The following VIPR2 variants were observed in gnomAD, a reference collection of about 807,000 sequenced individuals.
VIPR2 encodes the protein vasoactive intestinal peptide receptor 2, also known as vasoactive intestinal polypeptide receptor 2.
VIPR2 carries 48 observed loss-of-function variants against 58.0 expected under a neutral mutation model. The ratio of observed to expected loss-of-function variants is 0.83; its 90% CI spans 0.66 to 1.05. VIPR2 has a LOEUF of 1.05. Ranked by LOEUF, VIPR2 falls within the 50% of genes least tolerant of loss-of-function variation. VIPR2 has a pLI of 0.00. For missense variants in VIPR2, 534 were observed against 558.0 expected (o/e 0.96, Z 0.43); for synonymous variants, 243 against 235.2 (o/e 1.03, Z -0.30).
chr7:159,142,038 GC>G (rs1369651063), intron 2 of VIPR2, among the ~76,000 whole-genome samples: 1 of 152,200 alleles, frequency 6.6e-6, no homozygotes, highest in African/African-American at 2.4e-5. Context: ...TTTGCTTTCT[GC>G]CAAGTACCCA....
chr7:159,073,276 G>A (rs1459212369), intron 4 of VIPR2, among the ~76,000 whole-genome samples: 1 of 152,172 alleles, frequency 6.6e-6, no homozygotes, highest in Non-Finnish European at 1.5e-5. Context: ...CAGTTTAGGA[G>A]TATACTAAAT....
chr7:159,038,408 C>T (rs1854108654), intron 6 of VIPR2, among the ~76,000 whole-genome samples: 1 of 152,178 alleles, frequency 6.6e-6, no homozygotes. Context: ...TCTCGTGTGT[C>T]AACGCCTGGT....
intron 2 of VIPR2, among the ~76,000 whole-genome samples, chr7:159,123,288 T>TAAAAAAA (rs370294230): frequency 1.9e-4 from 14 of 72,872 alleles, no homozygotes; most frequent in Non-Finnish European, 2.4e-4. Context: ...CAAGACTCTG[T>TAAAAAAA]AAAAAAAAAA....
intron 1 of VIPR2, among the ~76,000 whole-genome samples, chr7:159,144,018 C>T (rs1797583237): frequency 6.6e-6 from 1 of 152,250 alleles, no homozygotes; most frequent in Non-Finnish European, 1.5e-5. Flanking sequence ...TCGATCCAGA[C>T]CTGCCTCGGC....
At position 159,092,654 on chromosome 7, in the gene VIPR2, T is replaced by C. The variant is rs555118204; in HGVS notation, c.357+11103A>G. ...GAGGCTGTTTTCTTTTCTTTTCTTTTTTTTTTTTTTTTTTGAGACTGAGTC... is the reference window on the plus strand; with the variant it reads ...GAGGCTGTTTTCTTTTCTTTTCTTTCTTTTTTTTTTTTTTGAGACTGAGTC... On this transcript the variant is annotated intron_variant, in intron 4 of 12. Coordinates refer to ENST00000262178, the MANE Select transcript of VIPR2 (RefSeq NM_003382.5). Among the ~76,000 whole-genome samples, 214 of 62,750 alleles carry C rather than the reference T, an allele frequency of 3.4e-3. 3 individuals carry two copies. The highest frequency in any genetic ancestry group is 6.5e-3 in the East Asian group (16 of 2,454). The allele number at this position is 62,750 out of a possible 152,430, so 41.2% of individuals were successfully genotyped here. A position where few individuals can be genotyped will look rare whatever the true frequency, so the allele number is the denominator to read the frequency against.
chr7:159,144,047 C>A (rs1241143798), intron 1 of VIPR2, among the ~76,000 whole-genome samples: 1 of 152,240 alleles, frequency 6.6e-6, no homozygotes, highest in Non-Finnish European at 1.5e-5. Flanking sequence ...GCACGAAAAC[C>A]GCGCGCACCG....
rs201840187 is a variant in VIPR2, at chr7:159,031,884, G to C, written c.1102-15C>G. The C allele has an allele frequency of 5.0e-6, 8 of 1,614,008 alleles. No homozygotes were observed. The Admixed American group carries it at 8.3e-5, about 17-fold the overall frequency. Reference sequence around the variant, plus strand: ...ACCACCAGGCCCTGCAATGAGAAGAGATGGTCAGGCAGGACCCGCGCTCGG... The same window carrying C: ...ACCACCAGGCCCTGCAATGAGAAGACATGGTCAGGCAGGACCCGCGCTCGG... On this transcript the variant is annotated splice_polypyrimidine_tract_variant and intron_variant, in intron 11 of 12. Coordinates refer to ENST00000262178, the MANE Select transcript of VIPR2 (RefSeq NM_003382.5). The surrounding 1 kb of genome is among the most constrained non-coding windows in gnomAD (Gnocchi z 4.0).
intron 4 of VIPR2, among the ~76,000 whole-genome samples, chr7:159,081,542 G>C (rs1038391483): frequency 7.9e-5 from 12 of 152,160 alleles, no homozygotes; most frequent in African/African-American, 2.4e-4. Flanking sequence ...CAATACCATT[G>C]AGGACATAGG....
chr7:159,079,590 A>G (rs1466620238), intron 4 of VIPR2, among the ~76,000 whole-genome samples: 22 of 152,216 alleles, frequency 1.4e-4, no homozygotes, highest in Non-Finnish European at 3.1e-4. Flanking sequence ...TTCAAAAGCT[A>G]GCAGAAGGCA....
chr7:159,034,150 G>A, intron 10 of VIPR2, 63 bp downstream of exon 10: 1 of 1,541,308 alleles, frequency 6.5e-7, no homozygotes. Context: ...CTGGCAGCGT[G>A]GGGGTCTCCT....
At chr7:159,108,613 C>T (rs1043881014) in intron 3 of VIPR2, among the ~76,000 whole-genome samples, 3 of 152,182 alleles carry the variant, frequency 2.0e-5, no homozygotes, top group African/African-American at 7.2e-5. Flanking sequence ...AGGGCCAGAG[C>T]CTCACTGACC....
At chr7:159,144,052 G>C (rs1797586295) in intron 1 of VIPR2, among the ~76,000 whole-genome samples, 1 of 152,240 alleles carries the variant, frequency 6.6e-6, no homozygotes, top group Non-Finnish European at 1.5e-5. Context: ...AAAACCGCGC[G>C]CACCGCAAAC....
chr7:159,073,929 G>C (rs376448103), intron 4 of VIPR2, among the ~76,000 whole-genome samples: 1 of 152,094 alleles, frequency 6.6e-6, no homozygotes, highest in Non-Finnish European at 1.5e-5. Context: ...ACAGACAACT[G>C]TGCACACAAT....
At chr7:159,134,702 G>T (rs373275181) in intron 2 of VIPR2, among the ~76,000 whole-genome samples, 5 of 151,478 alleles carry the variant, frequency 3.3e-5, no homozygotes, top group African/African-American at 1.2e-4. Flanking sequence ...CTGTCACCCA[G>T]GCTGGAGTAC....
chr7:159,058,217 G>A (rs1218098465), intron 5 of VIPR2, among the ~76,000 whole-genome samples: 6 of 152,224 alleles, frequency 3.9e-5, no homozygotes, highest in Non-Finnish European at 7.4e-5. Flanking sequence ...TATTTTCCAC[G>A]CATTTGCATA....
At position 159,099,051 on chromosome 7, in the gene VIPR2, T is replaced by G. The variant is rs73169248; in HGVS notation, c.357+4706A>C. On this transcript the variant is annotated intron_variant, in intron 4 of 12. Coordinates refer to ENST00000262178, the MANE Select transcript of VIPR2 (RefSeq NM_003382.5). The surrounding 1 kb of genome is among the most constrained non-coding windows in gnomAD (Gnocchi z 4.2). Reference sequence around the variant, plus strand: ...CTCCAGAGCCGCCTGTGCTATGTGCTGTTGCTTCGTCTTGGAAGCGAGTCC... The same window carrying G: ...CTCCAGAGCCGCCTGTGCTATGTGCGGTTGCTTCGTCTTGGAAGCGAGTCC... Among the ~76,000 whole-genome samples, 19,411 of 152,296 alleles carry G rather than the reference T, an allele frequency of 0.13. 1,430 individuals carry two copies. Among genetic ancestry groups the G allele is most frequent in the East Asian group, 0.16 (841 of 5,178 alleles).
intron 4 of VIPR2, among the ~76,000 whole-genome samples, chr7:159,091,352 C>G (rs1437286152): frequency 1.3e-5 from 2 of 152,228 alleles, no homozygotes; most frequent in Non-Finnish European, 2.9e-5. Context: ...AAAGTGTGGT[C>G]ATGCAGCGCC....
At chr7:159,121,376 G>A (rs1796452475) in intron 2 of VIPR2, among the ~76,000 whole-genome samples, 1 of 152,172 alleles carries the variant, frequency 6.6e-6, no homozygotes, top group African/African-American at 2.4e-5. Flanking sequence ...AAGGGCAGAG[G>A]TAACTATCAG....
chr7:159,144,441 A>G, intron 1 of VIPR2: 2 of 1,547,056 alleles, frequency 1.3e-6, no homozygotes, highest in Non-Finnish European at 1.7e-6. Context: ...GCGTCCAGGA[A>G]GAAACGATCC....
Sources: allele counts gnomAD v4.1 joint callset (sites outside exome capture counted in the v4.1 genomes callset), GRCh38; gene constraint gnomAD v4.1.1; non-coding constraint Gnocchi (gnomAD v3.1); transcripts MANE v1.5; gene names NCBI Gene and HGNC (gene_info 2026-07-23, HGNC 2026-07-21).